Variants in PIWIL1 observed in about 807,000 individuals in gnomAD.
PIWIL1 encodes the protein piwi like RNA-mediated gene silencing 1.
PIWIL1 carries 73 observed loss-of-function variants against 114.4 expected under a neutral mutation model. The observed-to-expected ratio is 0.64, with a 90% confidence interval of 0.53 to 0.78. PIWIL1 has a LOEUF of 0.78. Among genes scored for constraint, PIWIL1 ranks in the 30% least tolerant of loss-of-function variants. The pLI is 0.00. For synonymous variants in PIWIL1, 375 were observed against 369.0 expected (o/e 1.02, Z -0.19); for missense variants, 723 against 1,063.1 (o/e 0.68, Z 4.45).
At chr12:130,359,565 A>G (rs544525680) in intron 14 of PIWIL1, among the ~76,000 whole-genome samples, 1 of 152,154 alleles carries the variant, frequency 6.6e-6, no homozygotes, top group Non-Finnish European at 1.5e-5. Flanking sequence ...TGAATATTCC[A>G]TCTATTTTAT....
At chr12:130,422,418 C>A in the PIWIL1 span, 11 of 1,477,362 alleles carry the variant, frequency 7.4e-6, no homozygotes, top group Non-Finnish European at 1.0e-5. The surrounding 1 kb of genome is among the most constrained non-coding windows in gnomAD (Gnocchi z 5.2). Context: ...TGCTCCGCGG[C>A]TGAAAGACAC....
At chr12:130,414,337 G>A in the PIWIL1 span, 121 of 1,545,388 alleles carry the variant, frequency 7.8e-5, no homozygotes, top group Non-Finnish European at 9.8e-5. Flanking sequence ...AGAACAGAGC[G>A]GCAGTGAGCC....
chr12:130,393,493 A>G, the PIWIL1 span, among the ~76,000 whole-genome samples: 4 of 115,704 alleles, frequency 3.5e-5, no homozygotes, highest in African/African-American at 1.2e-4. Flanking sequence ...TGAATACTGA[A>G]TGTGGTGATG....
At chr12:130,425,520 C>G in the PIWIL1 span, 36 of 152,498 alleles carry the variant, frequency 2.4e-4, no homozygotes, top group Non-Finnish European at 5.1e-4. Context: ...CCTGTCTCCT[C>G]TGCATCCTGC....
chr12:130,340,265 T>G (rs1041498382), intron 1 of PIWIL1, among the ~76,000 whole-genome samples: 8 of 151,978 alleles, frequency 5.3e-5, no homozygotes, highest in African/African-American at 1.9e-4. Context: ...GGAAGCAAGT[T>G]GTGTTTGCTG....
chr12:130,381,895 G>A, the PIWIL1 span, among the ~76,000 whole-genome samples: 2 of 152,170 alleles, frequency 1.3e-5, no homozygotes, highest in Admixed American at 1.3e-4. Flanking sequence ...AATGCCCTGA[G>A]GACATGTGGT....
chr12:130,341,346 C>A (rs996405836), intron 1 of PIWIL1, among the ~76,000 whole-genome samples: 16 of 152,236 alleles, frequency 1.1e-4, no homozygotes, highest in Admixed American at 2.6e-4. Flanking sequence ...ATTCCTAATT[C>A]TCTGTTTCAG....
the PIWIL1 span, among the ~76,000 whole-genome samples, chr12:130,384,190 C>T: frequency 6.6e-6 from 1 of 152,142 alleles, no homozygotes; most frequent in African/African-American, 2.4e-5. Context: ...AGACAGTAAC[C>T]CTCAAACAGA....
the PIWIL1 span, chr12:130,412,765 T>C: frequency 6.2e-7 from 1 of 1,613,744 alleles, no homozygotes; most frequent in Non-Finnish European, 8.5e-7. Context: ...GTAGAATCCA[T>C]CAGCGTCTTT....
the PIWIL1 span, among the ~76,000 whole-genome samples, chr12:130,386,577 C>T: frequency 2.7e-5 from 1 of 37,284 alleles, no homozygotes; most frequent in Non-Finnish European, 5.2e-5. Context: ...CACACCACCC[C>T]TTCCTGTCTC....
chr12:130,337,920 G>C lies in PIWIL1; in HGVS notation c.-239G>C. On this transcript the variant is annotated 5_prime_UTR_variant, in exon 1 of 21. Transcript: ENST00000245255. ...GCGTATGGCGTACAGACACGAGGCC[G>C]GCGCCCGGGAGGCGGTGTTCATCCG... The C allele has an allele frequency of 6.2e-6, 1 of 160,652 alleles. No individual in the cohort carries two copies. 10.0% of individuals were successfully genotyped at this position (160,652 alleles called of 1,614,324 possible).
At chr12:130,349,482 G>A (rs1261868440) in intron 8 of PIWIL1, 46 bp downstream of exon 8, 1 of 1,286,124 alleles carries the variant, frequency 7.8e-7, no homozygotes, top group South Asian at 1.2e-5. Context: ...GTGAGTCAAA[G>A]TATTGTGGCT....
At chr12:130,341,042 G>C (rs2072905995) in intron 1 of PIWIL1, among the ~76,000 whole-genome samples, 1 of 152,156 alleles carries the variant, frequency 6.6e-6, no homozygotes, top group Non-Finnish European at 1.5e-5. Flanking sequence ...AAGAATTTTA[G>C]AAGCTGTTAA....
At chr12:130,385,905 A>G in the PIWIL1 span, among the ~76,000 whole-genome samples, 1 of 152,200 alleles carries the variant, frequency 6.6e-6, no homozygotes, top group Non-Finnish European at 1.5e-5. Flanking sequence ...GACTGAAATG[A>G]TATTTAAGTT....
downstream of PIWIL1, among the ~76,000 whole-genome samples, chr12:130,374,921 C>T (rs978692475): frequency 7.2e-5 from 11 of 152,152 alleles, no homozygotes; most frequent in Admixed American, 3.3e-4. Context: ...GGCTTTCTCC[C>T]GGGTCACTCA....
the PIWIL1 span, among the ~76,000 whole-genome samples, chr12:130,409,881 G>C: frequency 1.3e-5 from 2 of 152,194 alleles, no homozygotes; most frequent in East Asian, 3.9e-4. Context: ...GTGTGTGAAC[G>C]TAAGTTTCCC....
the PIWIL1 span, chr12:130,424,701 G>C: frequency 8.1e-7 from 1 of 1,232,208 alleles, no homozygotes; most frequent in Non-Finnish European, 1.0e-6. This position sits in a 1 kb window ranked among gnomAD's most constrained non-coding sequence, Gnocchi z 9.8. Flanking sequence ...CCTGGCCCTG[G>C]GGGACGGCCC....
rs375103371 is a variant in PIWIL1 at position 130,362,865 on chromosome 12, C to T, written c.2041+29C>T. ...AGTCACCTGTGGGGTTGCCATTCTACTCTCTAAACTGGGGTCTTCCAGAAA... is the reference window on the plus strand; with the variant it reads ...AGTCACCTGTGGGGTTGCCATTCTATTCTCTAAACTGGGGTCTTCCAGAAA... On this transcript the variant is annotated intron_variant, in intron 17 of 20. Transcript: ENST00000245255. 4 of 1,611,380 alleles carry T rather than the reference C, an allele frequency of 2.5e-6. No individual in the cohort carries two copies. In the African/African-American group the frequency reaches 5.3e-5, roughly 22 times the overall value.
chr12:130,396,117 AAG>A, the PIWIL1 span: 1 of 152,640 alleles, frequency 6.6e-6, no homozygotes, highest in Non-Finnish European at 1.5e-5. Flanking sequence ...ATTTAAAACA[AAG>A]AGAATAAACA....
Sources: allele counts gnomAD v4.1 joint callset (sites outside exome capture counted in the v4.1 genomes callset), GRCh38; gene constraint gnomAD v4.1.1; non-coding constraint Gnocchi (gnomAD v3.1); transcripts MANE v1.5; gene names NCBI Gene and HGNC (gene_info 2026-07-23, HGNC 2026-07-21).